CEACAM1: variants seen among roughly 807,000 people sequenced by gnomAD.
CEACAM1 encodes the protein cell adhesion molecule CEACAM1.
Under a neutral mutation model 49.1 loss-of-function variants are expected in CEACAM1, and 31 were observed. The ratio of observed to expected loss-of-function variants is 0.63; its 90% CI spans 0.47 to 0.85. The LOEUF (loss-of-function observed/expected upper bound fraction) is 0.85, where lower values mean the gene tolerates loss of function less well. CEACAM1 is among the 40% of genes least tolerant of loss of function. The pLI is 0.00. For synonymous variants in CEACAM1, 244 were observed against 247.8 expected, an observed-to-expected ratio of 0.98 and a Z score of 0.14; for missense variants, 570 against 645.3, an observed-to-expected ratio of 0.88 and a Z score of 1.26.
chr19:42,526,495 T>C (rs1600245301), intron 2 of CEACAM1, among the ~76,000 whole-genome samples: 1 of 152,308 alleles, frequency 6.6e-6, no homozygotes, highest in African/African-American at 2.4e-5. Flanking sequence ...AATGAGGCTC[T>C]AGTGCCTGAA....
chr19:42,512,740 T>A (rs1312951428), intron 5 of CEACAM1, among the ~76,000 whole-genome samples: 1 of 151,562 alleles, frequency 6.6e-6, no homozygotes, highest in African/African-American at 2.4e-5. Context: ...TGCAGTAGCA[T>A]GATCTTGGCT....
At chr19:42,522,473 C>G (rs1371836017) in intron 2 of CEACAM1, among the ~76,000 whole-genome samples, 1 of 151,708 alleles carries the variant, frequency 6.6e-6, no homozygotes, top group Non-Finnish European at 1.5e-5. Flanking sequence ...TGGTCTCAAA[C>G]TCCTGAGCTC....
chr19:42,528,207 A>G (rs2041942746), intron 1 of CEACAM1, 104 bp downstream of exon 1: 1 of 952,684 alleles, frequency 1.0e-6, no homozygotes, highest in Non-Finnish European at 1.6e-6. Context: ...TTTGGCTCCA[A>G]GAGAAGCCCT....
rs887923942 is a variant in CEACAM1 at position 42,527,079 on chromosome 19, A to G, written c.386T>C (p.Leu129Pro). The G allele has an allele frequency of 5.6e-6, 9 of 1,611,884 alleles. No homozygotes were observed. The highest frequency in any genetic ancestry group is 7.6e-6 in the Non-Finnish European group (9 of 1,178,802). Reference sequence around the variant, plus strand: ...CTGTCCAGTTGCTTCTTCATTCACAAGATCTGACTTTATGACTTGTAGGGT... The same window carrying G: ...CTGTCCAGTTGCTTCTTCATTCACAGGATCTGACTTTATGACTTGTAGGGT... The part of the protein sequence containing the change: ...FYTLQVIKSD[L>P]VNEEATGQFH... The change falls in exon 2 of 9, where the codon CTT becomes CCT. Residue 129 changes from leucine (L) to proline (P), a missense_variant. Transcript: ENST00000161559.
At chr19:42,509,632 G>T (rs1000297387) in intron 8 of CEACAM1, among the ~76,000 whole-genome samples, 2 of 145,326 alleles carry the variant, frequency 1.4e-5, no homozygotes, top group African/African-American at 5.0e-5. Flanking sequence ...GACTGGTAGA[G>T]TTTTTTTTTT....
At chr19:42,522,271 T>A (rs1408309551) in intron 2 of CEACAM1, 69 bp from the exon 3 acceptor site, 2 of 1,568,094 alleles carry the variant, frequency 1.3e-6, no homozygotes, top group African/African-American at 2.8e-5. Context: ...ATTTTTCTTT[T>A]CTTATTTATT....
chr19:42,514,961 A>C (rs1325712012), intron 5 of CEACAM1: 1 of 641,596 alleles, frequency 1.6e-6, no homozygotes. Context: ...GTTTATTATT[A>C]CATTAAATCT....
intron 2 of CEACAM1, among the ~76,000 whole-genome samples, chr19:42,523,615 G>T (rs945929045): frequency 3.3e-5 from 5 of 152,240 alleles, no homozygotes; most frequent in African/African-American, 1.2e-4. Flanking sequence ...AGAATAACCA[G>T]CTAGTGGAAC....
chr19:42,511,662 C>T, intron 6 of CEACAM1, 34 bp from the exon 7 acceptor site: 1 of 1,601,514 alleles, frequency 6.2e-7, no homozygotes, highest in Non-Finnish European at 8.6e-7. Context: ...ACTGCTATTC[C>T]CAAGCACAGG....
chr19:42,511,010 G>T, intron 7 of CEACAM1, 90 bp from the exon 8 acceptor site: 2 of 1,250,288 alleles, frequency 1.6e-6, no homozygotes, highest in Non-Finnish European at 2.4e-6. Context: ...GTTGGAGGGT[G>T]GGGAGTTTAA....
intron 6 of CEACAM1, among the ~76,000 whole-genome samples, chr19:42,512,021 A>G (rs1364826803): frequency 2.0e-5 from 3 of 152,038 alleles, no homozygotes; most frequent in African/African-American, 4.8e-5. Context: ...AACAGAGCAC[A>G]TGACTTGCTT....
At position 42,508,914 on chromosome 19, in the gene CEACAM1, C is replaced by T; in HGVS notation, c.*195G>A. 1.8e-6 allele frequency: 1 copy of T among 568,640 alleles called. No homozygotes were observed. Among genetic ancestry groups the T allele is most frequent in the Non-Finnish European group, 3.0e-6 (1 of 329,264 alleles). The allele number at this position is 568,640 out of a possible 1,614,324, so 35.2% of individuals were successfully genotyped here. On this transcript the variant is annotated 3_prime_UTR_variant, in exon 9 of 9. Transcript: ENST00000161559. The stretch of plus-strand genomic sequence containing the variant: ...AGAAGGTTGGGTTTCCTACAGACTC[C>T]CAATGTACTTTCATCTATTGACACT...
chr19:42,527,750 T>G lies in CEACAM1; in HGVS notation c.65-350A>C, dbSNP rs2041932772. 1.3e-5 allele frequency: 3 copies of G among 238,860 alleles called. No individual in the cohort carries two copies. In the South Asian group the frequency reaches 2.6e-4, roughly 20 times the overall value. The allele number at this position is 238,860 out of a possible 1,614,324, so 14.8% of individuals were successfully genotyped here. ...CTGGGTATTCCCTTTCTGACCTTTT[T>G]CTGCTCTGTTCCCTCCAGGGCTCTT... On this transcript the variant is annotated intron_variant, in intron 1 of 8. Transcript: ENST00000161559.
intron 8 of CEACAM1, among the ~76,000 whole-genome samples, chr19:42,509,812 G>A (rs1346274507): frequency 1.3e-5 from 2 of 151,974 alleles, no homozygotes; most frequent in African/African-American, 4.8e-5. Context: ...ATTTTTAGTA[G>A]AACAAGGTTT....
chr19:42,519,178 C>A lies in CEACAM1; in HGVS notation c.1016G>T (p.Gly339Val), dbSNP rs375052044. ...GGTCAGGTTCACAGAGTCCTTATCT[C>A]CTGTGACTGTGGTCTTGCTGGCTTT... is the stretch of plus-strand genomic sequence containing the variant. ...QIKASKTTVTGDKDSVNLTCS... is the reference protein window; with the variant it reads ...QIKASKTTVTVDKDSVNLTCS... The change falls in exon 5 of 9, where the codon GGA becomes GTA. Residue 339 changes from glycine (G) to valine (V), a missense_variant. Physicochemically the swap from Gly to Val is moderately radical, Grantham distance 109. Transcript: ENST00000161559. 1 of 1,614,084 alleles carries A rather than the reference C, an allele frequency of 6.2e-7. No individual in the cohort carries two copies. Among genetic ancestry groups the A allele is most frequent in the Non-Finnish European group, 8.5e-7 (1 of 1,179,964 alleles).
In CEACAM1 at chr19:42,515,026, T is replaced by C; in HGVS notation, c.1247-2547A>G. Reference sequence around the variant, plus strand: ...TGGCTCACACCTGTAATCTCAGCACTTTGGGAAACAGATGGGAGGATTGCT... The same window carrying C: ...TGGCTCACACCTGTAATCTCAGCACCTTGGGAAACAGATGGGAGGATTGCT... On this transcript the variant is annotated intron_variant, in intron 5 of 8. Transcript: ENST00000161559. 1.5e-6 allele frequency: 1 copy of C among 681,444 alleles called. No homozygotes were observed. The highest frequency in any genetic ancestry group is 2.7e-6 in the Non-Finnish European group (1 of 373,688). 42.2% of individuals were successfully genotyped at this position (681,444 alleles called of 1,614,324 possible).
In CEACAM1 at chr19:42,521,507, G is replaced by A; in HGVS notation, c.718C>T (p.Pro240Ser). 1 of 1,613,924 alleles carries A rather than the reference G, an allele frequency of 6.2e-7. No individual in the cohort carries two copies. ...TLNVTYGPDT[P>S]TISPSDTYYR... ...TAGGTGTCTGAAGGGGAAATGGTGG[G>A]GGTGTCCGGGCCATCTGGAGCAAAG... Residue 240 changes from proline (P) to serine (S), a missense_variant, in exon 4 of 9, where the codon CCC (proline) becomes TCC (serine). Pro to Ser is a moderately conservative substitution (Grantham distance 74). Coordinates refer to ENST00000161559, the MANE Select transcript of CEACAM1 (RefSeq NM_001712.5).
rs1038832692 is a variant in CEACAM1, at chr19:42,516,679, T to C, written c.1246+2269A>G. 4 of 196,552 alleles carry C rather than the reference T, an allele frequency of 2.0e-5. No homozygotes were observed. The Admixed American group carries it at 2.3e-4, about 11-fold the overall frequency. 12.2% of individuals were successfully genotyped at this position (196,552 alleles called of 1,614,324 possible). On this transcript the variant is annotated intron_variant, in intron 5 of 8. Transcript: ENST00000161559. ...ATTTATATAGACTCTGAAGGGACCATGGATAGCCAAAGCAATCTTGAAAAA... is the reference window on the plus strand; with the variant it reads ...ATTTATATAGACTCTGAAGGGACCACGGATAGCCAAAGCAATCTTGAAAAA...
At chr19:42,526,514 G>A (rs866471667) in intron 2 of CEACAM1, among the ~76,000 whole-genome samples, 3 of 152,294 alleles carry the variant, frequency 2.0e-5, no homozygotes, top group South Asian at 4.1e-4. Flanking sequence ...AACCCTGGCT[G>A]GTTACCAGCT....
Sources: allele counts gnomAD v4.1 joint callset (sites outside exome capture counted in the v4.1 genomes callset), GRCh38; gene constraint gnomAD v4.1.1; transcripts MANE v1.5; gene names NCBI Gene and HGNC (gene_info 2026-07-23, HGNC 2026-07-21).